Variants in GRID2 observed in about 807,000 individuals in gnomAD.
GRID2 encodes the protein glutamate receptor ionotropic, delta-2.
In GRID2, 33 loss-of-function variants were observed where a neutral mutation model predicts 114.8. That is an observed-to-expected ratio of 0.29 (90% CI 0.22 to 0.38). The LOEUF is 0.38. Among genes scored for constraint, GRID2 ranks in the 10% least tolerant of loss-of-function variants. GRID2 has a pLI of 1.00. For missense variants in GRID2, 1,184 were observed against 1,257.7 expected (o/e 0.94, Z 0.89); for synonymous variants, 505 against 449.9 (o/e 1.12, Z -1.55).
At chr4:92,628,016 C>G (rs963607193) in intron 2 of GRID2, among the ~76,000 whole-genome samples, 1 of 151,918 alleles carries the variant, frequency 6.6e-6, no homozygotes, top group African/African-American at 2.4e-5. Context: ...CAGATACAGA[C>G]AAAATATGAT....
At chr4:92,509,587 G>A (rs191782770) in intron 1 of GRID2, among the ~76,000 whole-genome samples, 165 of 152,022 alleles carry the variant, frequency 1.1e-3, no homozygotes, top group Admixed American at 0.011. Flanking sequence ...ATAAAATATA[G>A]AGTGTATTAG....
intron 12 of GRID2, among the ~76,000 whole-genome samples, chr4:93,514,462 A>ACACAG (rs1729501593): frequency 1.2e-5 from 1 of 84,220 alleles, no homozygotes; most frequent in African/African-American, 4.3e-5. Context: ...CACACACACA[A>ACACAG]TGCTAAAGCA....
intron 2 of GRID2, among the ~76,000 whole-genome samples, chr4:93,048,577 C>T (rs559669382): frequency 4.6e-5 from 7 of 152,112 alleles, no homozygotes; most frequent in South Asian, 2.1e-4. Context: ...ATGCTTCCTT[C>T]GCCCCAAACC....
chr4:92,942,076 A>C lies in GRID2; in HGVS notation c.245-142919A>C, dbSNP rs537563655. Among the ~76,000 whole-genome samples, 9 of 152,188 alleles carry C rather than the reference A, an allele frequency of 5.9e-5. No homozygotes were observed. The South Asian group carries it at 8.3e-4, about 14-fold the overall frequency. On this transcript the variant is annotated intron_variant, in intron 2 of 15. Coordinates refer to ENST00000282020, the MANE Select transcript of GRID2 (RefSeq NM_001510.4). ...TTGGGGTGGAGCGTTCTGTAGATGT[A>C]TATTAGGTCTACTTGGTGCAGAGCT...
intron 2 of GRID2, among the ~76,000 whole-genome samples, chr4:92,608,083 A>G (rs1729545605): frequency 1.3e-5 from 2 of 151,842 alleles, no homozygotes; most frequent in Admixed American, 1.3e-4. Flanking sequence ...GGTATATTCA[A>G]AAATAAATCC....
At chr4:93,274,205 C>G (rs10010296) in intron 8 of GRID2, among the ~76,000 whole-genome samples, 104,112 of 151,910 alleles carry the variant, frequency 0.69, 36,251 homozygotes, top group Middle Eastern at 0.84. Flanking sequence ...TTGATAGTAG[C>G]CAATAAAATC....
At chr4:92,655,192 G>T (rs917622245) in intron 2 of GRID2, among the ~76,000 whole-genome samples, 1 of 151,866 alleles carries the variant, frequency 6.6e-6, no homozygotes, top group Non-Finnish European at 1.5e-5. Context: ...TCAAAGACGA[G>T]TTGGCGTAAA....
At chr4:92,772,932 T>C (rs1738611503) in intron 2 of GRID2, among the ~76,000 whole-genome samples, 1 of 152,190 alleles carries the variant, frequency 6.6e-6, no homozygotes, top group African/African-American at 2.4e-5. Flanking sequence ...CCAATTGCTT[T>C]AGTCTCTGAG....
intron 2 of GRID2, among the ~76,000 whole-genome samples, chr4:92,943,676 T>C (rs543069514): frequency 2.0e-5 from 3 of 152,276 alleles, no homozygotes; most frequent in Admixed American, 1.3e-4. Flanking sequence ...AGTTTCCAGT[T>C]TTTCTGCTCT....
intron 2 of GRID2, among the ~76,000 whole-genome samples, chr4:92,827,703 A>G (rs1008031132): frequency 1.6e-4 from 25 of 152,106 alleles, no homozygotes; most frequent in African/African-American, 5.5e-4. Context: ...AAAGCAGTGT[A>G]AATGCTCAAC....
At chr4:93,745,111 A>C (rs2110265532) in intron 14 of GRID2, among the ~76,000 whole-genome samples, 1 of 152,306 alleles carries the variant, frequency 6.6e-6, no homozygotes, top group Middle Eastern at 3.4e-3. Flanking sequence ...TTGCTTTATT[A>C]CAGTGGTCCT....
chr4:93,566,685 G>T (rs947983282), intron 13 of GRID2, among the ~76,000 whole-genome samples: 1 of 151,942 alleles, frequency 6.6e-6, no homozygotes, highest in Non-Finnish European at 1.5e-5. Flanking sequence ...TATGAGAATC[G>T]CCTGAACCCA....
chr4:93,059,965 T>G (rs1295906946), intron 2 of GRID2, among the ~76,000 whole-genome samples: 1 of 152,150 alleles, frequency 6.6e-6, no homozygotes, highest in Non-Finnish European at 1.5e-5. Context: ...ATTTTTTACC[T>G]GAGTTCATTG....
chr4:93,750,570 C>T (rs1001103233), intron 14 of GRID2, among the ~76,000 whole-genome samples: 1 of 151,984 alleles, frequency 6.6e-6, no homozygotes, highest in Admixed American at 6.6e-5. Flanking sequence ...GAGATCAAGA[C>T]CATGTGAAAC....
intron 8 of GRID2, among the ~76,000 whole-genome samples, chr4:93,350,529 G>T (rs1392053826): frequency 6.6e-6 from 1 of 151,952 alleles, no homozygotes; most frequent in African/African-American, 2.4e-5. Context: ...TTTTGTAGGG[G>T]AATCAGCAAA....
At chr4:93,569,515 C>G (rs1189123959) in intron 13 of GRID2, among the ~76,000 whole-genome samples, 1 of 152,168 alleles carries the variant, frequency 6.6e-6, no homozygotes, top group Non-Finnish European at 1.5e-5. Flanking sequence ...AACCCCAATC[C>G]ATTTTCTGCA....
intron 14 of GRID2, among the ~76,000 whole-genome samples, chr4:93,651,767 C>T (rs1722600052): frequency 6.6e-6 from 1 of 152,088 alleles, no homozygotes; most frequent in African/African-American, 2.4e-5. Flanking sequence ...TACAAACTAG[C>T]AGTGTTTCAT....
intron 13 of GRID2, among the ~76,000 whole-genome samples, chr4:93,574,884 A>G (rs945966606): frequency 6.6e-6 from 1 of 152,206 alleles, no homozygotes; most frequent in Non-Finnish European, 1.5e-5. Context: ...TCAACTCTAT[A>G]AAGTCTAGGA....
At chr4:93,094,737 T>G (rs939220554) in intron 3 of GRID2, among the ~76,000 whole-genome samples, 3 of 151,972 alleles carry the variant, frequency 2.0e-5, no homozygotes, top group African/African-American at 7.2e-5. Context: ...ACACTAAGAT[T>G]AAACCTAATT....
Sources: gnomAD v4.1 joint callset for allele counts (sites outside exome capture counted in the v4.1 genomes callset) on GRCh38, gnomAD v4.1.1 for gene constraint, MANE v1.5 for transcripts, NCBI Gene and HGNC (gene_info 2026-07-23, HGNC 2026-07-21) for gene names.